The following VSNL1 variants were observed in gnomAD, a reference collection of about 807,000 sequenced individuals.
VSNL1 encodes the protein visinin like 1.
Under a neutral mutation model 20.4 loss-of-function variants are expected in VSNL1, and 6 were observed. The observed-to-expected ratio is 0.29, with a 90% CI of 0.16 to 0.58. The LOEUF (loss-of-function observed/expected upper bound fraction) is 0.58, where lower values mean the gene tolerates loss of function less well. Among genes scored for constraint, VSNL1 ranks in the 20% least tolerant of loss-of-function variants. The probability of loss-of-function intolerance (pLI) is 0.90; values close to 1 mark genes in which losing one functional copy is unlikely to be tolerated. For synonymous variants in VSNL1, 93 were observed against 86.4 expected (o/e 1.08, Z -0.42); for missense variants, 100 against 234.5 (o/e 0.43, Z 3.75).
In VSNL1 at chr2:17,623,314, T is replaced by G. The variant is rs182831158; in HGVS notation, c.163-26096T>G. Among the ~76,000 whole-genome samples, 10 of 152,236 alleles carry G rather than the reference T, an allele frequency of 6.6e-5. No individual in the cohort carries two copies. The East Asian group carries it at 1.9e-3, about 29-fold the overall frequency. On this transcript the variant is annotated intron_variant, in intron 2 of 3. Coordinates refer to ENST00000295156, the MANE Select transcript of VSNL1 (RefSeq NM_003385.5). ...CATAAATGAAAACATGCTTTACAAC[T>G]TCAGTAATTAAAACAGTACGGTATT...
At chr2:17,546,093 C>T (rs1337240895) in intron 1 of VSNL1, 3 of 151,942 alleles carry the variant, frequency 2.0e-5, no homozygotes, top group South Asian at 2.1e-4. Context: ...ACCAAGTGGT[C>T]TTCAAGCTCA....
At chr2:17,632,164 T>A (rs1665648715) in intron 2 of VSNL1, among the ~76,000 whole-genome samples, 1 of 152,116 alleles carries the variant, frequency 6.6e-6, no homozygotes, top group African/African-American at 2.4e-5. Context: ...CCACCACACC[T>A]GGCCAGGTAA....
At chr2:17,564,874 T>A (rs1663901236) in intron 1 of VSNL1, among the ~76,000 whole-genome samples, 1 of 152,196 alleles carries the variant, frequency 6.6e-6, no homozygotes, top group South Asian at 2.1e-4. Flanking sequence ...AAAGTAGTCG[T>A]AAGATTACGG....
At chr2:17,557,840 A>C (rs533668515) in intron 1 of VSNL1, among the ~76,000 whole-genome samples, 142 of 152,320 alleles carry the variant, frequency 9.3e-4, no homozygotes, top group African/African-American at 3.2e-3. Flanking sequence ...CCAGATAAAG[A>C]AATTTACAAG....
At chr2:17,575,487 A>G (rs899431282) in intron 1 of VSNL1, among the ~76,000 whole-genome samples, 3 of 151,944 alleles carry the variant, frequency 2.0e-5, no homozygotes, top group Non-Finnish European at 4.4e-5. Context: ...AACCTTCTCA[A>G]CCTTATATAG....
chr2:17,549,157 A>G (rs1663468425), intron 1 of VSNL1, among the ~76,000 whole-genome samples: 1 of 152,234 alleles, frequency 6.6e-6, no homozygotes, highest in South Asian at 2.1e-4. Context: ...TCACTTGCAT[A>G]TCTTTTGTTT....
chr2:17,648,358 G>C (rs893766556), intron 2 of VSNL1, among the ~76,000 whole-genome samples: 4 of 152,216 alleles, frequency 2.6e-5, no homozygotes, highest in African/African-American at 9.6e-5. Context: ...GGCTCCTCGA[G>C]GTAGATAGCC....
At chr2:17,556,777 A>G (rs1457065671) in intron 1 of VSNL1, among the ~76,000 whole-genome samples, 1 of 152,166 alleles carries the variant, frequency 6.6e-6, no homozygotes, top group East Asian at 1.9e-4. Flanking sequence ...ACCATTCTAT[A>G]GATTCTCAAT....
chr2:17,654,773 C>T lies in VSNL1; in HGVS notation c.379-424C>T, dbSNP rs370023488. ...AACTCGGTGATCTGCTTCTCATTTC[C>T]CTCTCTCCAGCTTCATCTTTCAACA... On this transcript the variant is annotated intron_variant, in intron 3 of 3. Transcript: ENST00000295156. 3.9e-5 allele frequency among the ~76,000 whole-genome samples: 6 copies of T among 152,130 alleles called. No homozygotes were observed. In the East Asian group the frequency reaches 9.7e-4, roughly 25 times the overall value.
chr2:17,627,932 G>A (rs750820885), intron 2 of VSNL1, among the ~76,000 whole-genome samples: 11 of 152,244 alleles, frequency 7.2e-5, no homozygotes, highest in Non-Finnish European at 1.6e-4. Context: ...AGCTAGTTCG[G>A]CCTATGCCCA....
chr2:17,545,683 A>G (rs1433640123), intron 1 of VSNL1, among the ~76,000 whole-genome samples: 1 of 152,134 alleles, frequency 6.6e-6, no homozygotes, highest in African/African-American at 2.4e-5. Context: ...TAAATCATTG[A>G]GAACTTTTAC....
intron 1 of VSNL1, among the ~76,000 whole-genome samples, chr2:17,551,283 G>A (rs1301224887): frequency 1.3e-5 from 2 of 152,240 alleles, no homozygotes; most frequent in African/African-American, 2.4e-5. Context: ...ACAAAAGAAC[G>A]TATTACCCCC....
intron 2 of VSNL1, among the ~76,000 whole-genome samples, chr2:17,643,069 A>G (rs865990926): frequency 4.6e-5 from 7 of 152,072 alleles, no homozygotes; most frequent in African/African-American, 1.7e-4. Context: ...GAAGGAGCTC[A>G]TGTGTCAGGC....
At chr2:17,569,672 G>A (rs1178664631) in intron 1 of VSNL1, among the ~76,000 whole-genome samples, 3 of 151,950 alleles carry the variant, frequency 2.0e-5, no homozygotes, top group Admixed American at 2.0e-4. Context: ...CTCTTCATCT[G>A]TGTCTCAACT....
At chr2:17,584,043 A>G (rs1664411014) in intron 1 of VSNL1, among the ~76,000 whole-genome samples, 1 of 152,204 alleles carries the variant, frequency 6.6e-6, no homozygotes, top group South Asian at 2.1e-4. Flanking sequence ...CCCTTTGAGC[A>G]AATAACATTA....
chr2:17,650,298 A>G (rs1484985383), intron 3 of VSNL1, among the ~76,000 whole-genome samples: 1 of 151,606 alleles, frequency 6.6e-6, no homozygotes, highest in African/African-American at 2.4e-5. Flanking sequence ...TGCCCACTCC[A>G]CCCTCACACC....
chr2:17,588,150 A>C (rs1360575130), intron 1 of VSNL1, among the ~76,000 whole-genome samples: 1 of 152,212 alleles, frequency 6.6e-6, no homozygotes. Flanking sequence ...GCTTAAAAGT[A>C]ATACACTCCG....
intron 1 of VSNL1, among the ~76,000 whole-genome samples, chr2:17,587,209 A>C (rs1027683425): frequency 3.3e-5 from 5 of 152,080 alleles, no homozygotes; most frequent in African/African-American, 9.7e-5. Context: ...GAATCTTGCT[A>C]AGATTCAGCT....
At chr2:17,612,475 C>T (rs1226342439) in intron 2 of VSNL1, among the ~76,000 whole-genome samples, 1 of 152,186 alleles carries the variant, frequency 6.6e-6, no homozygotes. Flanking sequence ...CATAGACATT[C>T]AGTTCCATCA....
Sources: allele counts gnomAD v4.1 joint callset (sites outside exome capture counted in the v4.1 genomes callset), GRCh38; gene constraint gnomAD v4.1.1; transcripts MANE v1.5; gene names NCBI Gene and HGNC (gene_info 2026-07-23, HGNC 2026-07-21).